The following EBF2 variants were observed in gnomAD, a reference collection of about 807,000 sequenced individuals.
EBF2 encodes transcription factor COE2.
EBF2 carries 21 observed loss-of-function variants against 72.8 expected under a neutral mutation model. The observed-to-expected ratio is 0.29, with a 90% CI of 0.20 to 0.42. The LOEUF (loss-of-function observed/expected upper bound fraction) is 0.42. Among genes scored for constraint, EBF2 ranks in the 10% least tolerant of loss-of-function variants. The pLI, the probability that EBF2 is intolerant of heterozygous loss-of-function variation, is 1.00. For synonymous variants in EBF2, 299 were observed against 274.2 expected, an observed-to-expected ratio of 1.09 and a Z score of -0.89; for missense variants, 637 against 731.2, an observed-to-expected ratio of 0.87 and a Z score of 1.49.
chr8:25,989,143 G>C (rs191379590), intron 6 of EBF2, among the ~76,000 whole-genome samples: 4 of 152,310 alleles, frequency 2.6e-5, no homozygotes, highest in Non-Finnish European at 5.9e-5. Context: ...GAGTCTGATA[G>C]CTTCCCTAGA....
chr8:26,038,674 A>G (rs770968674), intron 5 of EBF2, among the ~76,000 whole-genome samples: 2 of 152,204 alleles, frequency 1.3e-5, no homozygotes, highest in Non-Finnish European at 2.9e-5. Context: ...GAACAAATCT[A>G]TCAAACGTCC....
intron 6 of EBF2, among the ~76,000 whole-genome samples, chr8:25,948,903 C>A (rs1803813857): frequency 6.6e-6 from 1 of 152,086 alleles, no homozygotes. Context: ...GGTTGCAGAC[C>A]CCTGGGCGGC....
At chr8:25,874,146 AT>A (rs145017262) in intron 10 of EBF2, among the ~76,000 whole-genome samples, 15 of 151,912 alleles carry the variant, frequency 9.9e-5, no homozygotes, top group South Asian at 2.1e-4. Flanking sequence ...TTCAATGGGA[AT>A]TTTTTTTTCC....
chr8:25,887,572 A>G (rs1291765190), intron 9 of EBF2, among the ~76,000 whole-genome samples: 2 of 152,066 alleles, frequency 1.3e-5, no homozygotes, highest in Middle Eastern at 3.2e-3. Flanking sequence ...TTAGTATTAC[A>G]GTGTGAGCAT....
At chr8:25,937,490 C>T (rs564207578) in intron 6 of EBF2, among the ~76,000 whole-genome samples, 1 of 152,230 alleles carries the variant, frequency 6.6e-6, no homozygotes, top group South Asian at 2.1e-4. Flanking sequence ...TACCATAGAA[C>T]ATTATAAAAT....
intron 14 of EBF2, 70 bp from the exon 15 acceptor site, chr8:25,850,831 T>C: frequency 1.3e-6 from 2 of 1,484,582 alleles, no homozygotes; most frequent in Middle Eastern, 1.7e-4. Flanking sequence ...TTGGCACACA[T>C]TTATTGAGAA....
chr8:25,999,633 T>C (rs1804689594), intron 6 of EBF2, among the ~76,000 whole-genome samples: 1 of 140,104 alleles, frequency 7.1e-6, no homozygotes, highest in Non-Finnish European at 1.6e-5. Flanking sequence ...GATCTTGTCT[T>C]TCCTCTTTTT....
rs151159809 is a variant in EBF2, at chr8:25,870,907, T to G, written c.1010-8110A>C. The stretch of plus-strand genomic sequence containing the variant: ...TGAGAGAGAGGACAGTAAAACACAG[T>G]TACCTACACAGACAGGGAAAATCAC... On this transcript the variant is annotated intron_variant, in intron 10 of 15. Transcript: ENST00000520164. 9.1e-4 allele frequency among the ~76,000 whole-genome samples: 138 copies of G among 152,146 alleles called. 2 individuals carry two copies. Among genetic ancestry groups the G allele is most frequent in the African/African-American group, 3.1e-3 (128 of 41,490 alleles).
chr8:26,039,990 G>C, intron 5 of EBF2, 38 bp downstream of exon 5: 1 of 1,603,380 alleles, frequency 6.2e-7, no homozygotes, highest in Non-Finnish European at 8.5e-7. Flanking sequence ...GAGCACCTGC[G>C]GGCTCTCCAG....
chr8:25,885,396 C>A (rs1231470036), intron 10 of EBF2, among the ~76,000 whole-genome samples: 1 of 152,164 alleles, frequency 6.6e-6, no homozygotes, highest in Non-Finnish European at 1.5e-5. Context: ...TTAAATGAAT[C>A]CCCAATTTCT....
chr8:25,841,932 AGT>A lies in EBF2; in HGVS notation c.*2675_*2676del, dbSNP rs1042820343. ...GCAAAACAATAAAATGAAACTATAC[AGT>A]GTGAAAATGAAACCTTACTGTACAA... On this transcript the variant is annotated 3_prime_UTR_variant, in exon 16 of 16. Coordinates refer to ENST00000520164, the MANE Select transcript of EBF2 (RefSeq NM_022659.4). The A allele has an allele frequency of 6.6e-6, 1 of 152,234 alleles. No homozygotes were observed. Among genetic ancestry groups the A allele is most frequent in the African/African-American group, 2.4e-5 (1 of 41,474 alleles). 9.4% of individuals were successfully genotyped at this position (152,234 alleles called of 1,614,324 possible).
At chr8:25,966,948 C>T (rs1804124977) in intron 6 of EBF2, among the ~76,000 whole-genome samples, 1 of 152,196 alleles carries the variant, frequency 6.6e-6, no homozygotes, top group African/African-American at 2.4e-5. Flanking sequence ...CAGACACCAT[C>T]CCTGAACATA....
chr8:25,999,703 T>C (rs1486691570), intron 6 of EBF2, among the ~76,000 whole-genome samples: 1 of 151,170 alleles, frequency 6.6e-6, no homozygotes, highest in African/African-American at 2.4e-5. Flanking sequence ...ACACGCCCTC[T>C]CCTGTGAAAG....
chr8:25,984,271 A>T (rs566449759), intron 6 of EBF2, among the ~76,000 whole-genome samples: 1 of 152,336 alleles, frequency 6.6e-6, no homozygotes, highest in South Asian at 2.1e-4. Flanking sequence ...ACTTAATGTG[A>T]GTGTCAGATT....
At chr8:25,951,620 A>G (rs916838930) in intron 6 of EBF2, among the ~76,000 whole-genome samples, 6 of 152,226 alleles carry the variant, frequency 3.9e-5, no homozygotes, top group African/African-American at 1.4e-4. Flanking sequence ...GAAGGGAGAG[A>G]ATACACACAC....
rs1803203664 is a variant in EBF2 at position 25,915,708 on chromosome 8, G to A, written c.552-7153C>T. On this transcript the variant is annotated intron_variant, in intron 6 of 15. Coordinates refer to ENST00000520164, the MANE Select transcript of EBF2 (RefSeq NM_022659.4). Reference sequence around the variant, plus strand: ...GGGAAAAAGCTGAAAATCAAACGTGGAATGAAAGAAGTTGAATTAAATCTT... The same window carrying A: ...GGGAAAAAGCTGAAAATCAAACGTGAAATGAAAGAAGTTGAATTAAATCTT... Among the ~76,000 whole-genome samples, 5 of 152,118 alleles carry A rather than the reference G, an allele frequency of 3.3e-5. No homozygotes were observed. In the South Asian group the frequency reaches 1.0e-3, roughly 32 times the overall value.
At chr8:25,925,636 T>C (rs1803373647) in intron 6 of EBF2, among the ~76,000 whole-genome samples, 1 of 152,124 alleles carries the variant, frequency 6.6e-6, no homozygotes, top group Non-Finnish European at 1.5e-5. Context: ...TGTGTGTGTG[T>C]CAAAGCCAGG....
chr8:26,001,448 T>C (rs777519398), intron 6 of EBF2, among the ~76,000 whole-genome samples: 1 of 152,216 alleles, frequency 6.6e-6, no homozygotes, highest in Non-Finnish European at 1.5e-5. Context: ...TTATTTGCAG[T>C]TAGTCTTAGC....
At chr8:25,955,668 G>C (rs1360305119) in intron 6 of EBF2, among the ~76,000 whole-genome samples, 2 of 152,194 alleles carry the variant, frequency 1.3e-5, no homozygotes, top group Non-Finnish European at 2.9e-5. Context: ...GGAAAAAGGA[G>C]AGAGCTTGGG....
Sources: allele counts gnomAD v4.1 joint callset (sites outside exome capture counted in the v4.1 genomes callset), GRCh38; gene constraint gnomAD v4.1.1; transcripts MANE v1.5; gene names NCBI Gene and HGNC (gene_info 2026-07-23, HGNC 2026-07-21).